The following CBLB variants were observed in gnomAD, a reference collection of about 807,000 sequenced individuals.
CBLB encodes the protein E3 ubiquitin-protein ligase CBL-B.
A neutral mutation model predicts 104.9 loss-of-function variants in CBLB; 31 were observed. The ratio of observed to expected loss-of-function variants is 0.30; its 90% CI spans 0.22 to 0.40. The LOEUF (loss-of-function observed/expected upper bound fraction) is 0.40. CBLB is among the 10% of genes least tolerant of loss of function. CBLB has a pLI of 1.00. For missense variants in CBLB, 1,062 were observed against 1,214.6 expected, an observed-to-expected ratio of 0.87 and a Z score of 1.87; for synonymous variants, 440 against 422.6, an observed-to-expected ratio of 1.04 and a Z score of -0.51.
At chr3:105,791,087 T>G (rs2081581947) in intron 3 of CBLB, among the ~76,000 whole-genome samples, 1 of 152,226 alleles carries the variant, frequency 6.6e-6, no homozygotes. Context: ...TTTACCCAAA[T>G]TTAAAAGATC....
intron 3 of CBLB, among the ~76,000 whole-genome samples, chr3:105,784,600 G>C (rs985235898): frequency 6.6e-6 from 1 of 152,060 alleles, no homozygotes; most frequent in African/African-American, 2.4e-5. Flanking sequence ...AATCTGAATG[G>C]AGTCAATTAA....
Position 105,776,506 on chromosome 3 carries a change from G to A in CBLB, c.456C>T (p.His152=). Residue 152 remains histidine (H), a synonymous_variant, in exon 4 of 19, where the codon CAC becomes CAT. Transcript: ENST00000394030. The stretch of plus-strand genomic sequence containing the variant: ...AGATTGCTTTGATTTCTGCCAGCAT[G>A]TGACTGAAGATAAGGGACAGTTTTG... ...NLTKLSLIFS[H]MLAEIKAIFP... is the part of the protein sequence containing the mutation. 1 of 1,613,766 alleles carries A rather than the reference G, an allele frequency of 6.2e-7. No individual in the cohort carries two copies. The highest frequency in any genetic ancestry group is 8.5e-7 in the Non-Finnish European group (1 of 1,179,820).
chr3:105,762,828 G>A (rs577856087), intron 4 of CBLB, among the ~76,000 whole-genome samples: 27 of 152,244 alleles, frequency 1.8e-4, no homozygotes, highest in East Asian at 7.8e-4. Context: ...GAGGGCCACC[G>A]TCCTCCAGAC....
intron 10 of CBLB, among the ~76,000 whole-genome samples, chr3:105,715,472 T>C (rs2071719873): frequency 6.6e-6 from 1 of 152,216 alleles, no homozygotes; most frequent in Non-Finnish European, 1.5e-5. Context: ...TATGCTACTA[T>C]TTATGAACTC....
intron 3 of CBLB, among the ~76,000 whole-genome samples, chr3:105,847,429 C>CA (rs34105805): frequency 5.5e-5 from 8 of 146,140 alleles, no homozygotes; most frequent in African/African-American, 1.9e-4. Flanking sequence ...CACACACACA[C>CA]CCCATTTTGT....
At chr3:105,714,145 T>C (rs1366772320) in intron 10 of CBLB, among the ~76,000 whole-genome samples, 2 of 152,124 alleles carry the variant, frequency 1.3e-5, no homozygotes, top group African/African-American at 4.8e-5. Context: ...AAAGGCAACA[T>C]CCTCCTAAAA....
chr3:105,852,376 A>C (rs1329400279), intron 3 of CBLB, among the ~76,000 whole-genome samples: 1 of 152,200 alleles, frequency 6.6e-6, no homozygotes, highest in Admixed American at 6.5e-5. Flanking sequence ...TTTGTGTCTT[A>C]GTTTTTAAAA....
intron 3 of CBLB, among the ~76,000 whole-genome samples, chr3:105,814,898 A>T: frequency 7.0e-6 from 1 of 142,658 alleles, no homozygotes; most frequent in Non-Finnish European, 1.5e-5. Context: ...CCAGAGCCAA[A>T]TTTTGTACCC....
intron 10 of CBLB, among the ~76,000 whole-genome samples, chr3:105,706,779 C>T (rs2070212068): frequency 6.6e-6 from 1 of 152,026 alleles, no homozygotes; most frequent in African/African-American, 2.4e-5. Context: ...CTAGCCCAAA[C>T]AATATATTTT....
At position 105,656,385 on chromosome 3, in the gene CBLB, A is replaced by T. The variant is rs537651151; in HGVS notation, c.*2585T>A. On this transcript the variant is annotated 3_prime_UTR_variant, in exon 19 of 19. Transcript: ENST00000394030. ...GGATCACTTCCAGACATCAACGAGC[A>T]GTCGCTTTTACAATAAAAAAAAATT... The T allele has an allele frequency of 4.9e-5, 10 of 202,422 alleles. No individual in the cohort carries two copies. In the South Asian group the frequency reaches 1.9e-3, roughly 38 times the overall value. 12.5% of individuals were successfully genotyped at this position (202,422 alleles called of 1,614,324 possible). A position where few individuals can be genotyped will look rare whatever the true frequency, so the allele number is the denominator to read the frequency against.
intron 3 of CBLB, among the ~76,000 whole-genome samples, chr3:105,780,004 C>A (rs1237233313): frequency 6.6e-6 from 1 of 151,922 alleles, no homozygotes; most frequent in East Asian, 1.9e-4. Context: ...CAGGTATGCA[C>A]CACCATGCCC....
intron 3 of CBLB, among the ~76,000 whole-genome samples, chr3:105,808,457 T>C (rs1396584985): frequency 2.0e-5 from 3 of 152,190 alleles, no homozygotes; most frequent in African/African-American, 7.2e-5. Context: ...AAGATCTGTG[T>C]TTTCATAATA....
intron 8 of CBLB, among the ~76,000 whole-genome samples, chr3:105,734,660 T>C (rs947043515): frequency 6.6e-6 from 1 of 152,176 alleles, no homozygotes; most frequent in African/African-American, 2.4e-5. Context: ...TGGTCCACAC[T>C]TACTATTTCA....
At chr3:105,666,911 T>C (rs2064529432) in intron 18 of CBLB, among the ~76,000 whole-genome samples, 1 of 152,198 alleles carries the variant, frequency 6.6e-6, no homozygotes, top group South Asian at 2.1e-4. Context: ...TGCCATTTCC[T>C]TTGTTGAAAC....
intron 2 of CBLB, among the ~76,000 whole-genome samples, chr3:105,864,399 A>G (rs987375897): frequency 1.3e-5 from 2 of 152,180 alleles, no homozygotes; most frequent in African/African-American, 4.8e-5. Flanking sequence ...TAGCTTCAGA[A>G]CAGACTCCAC....
intron 9 of CBLB, among the ~76,000 whole-genome samples, chr3:105,731,903 T>C (rs576694657): frequency 5.9e-5 from 9 of 152,358 alleles, no homozygotes; most frequent in African/African-American, 2.2e-4. Flanking sequence ...TTGCAACATG[T>C]ATGCATGTGT....
intron 3 of CBLB, among the ~76,000 whole-genome samples, chr3:105,778,139 ATG>A (rs1417079726): frequency 6.6e-6 from 1 of 151,488 alleles, no homozygotes; most frequent in African/African-American, 2.4e-5. Flanking sequence ...ATGTGTGTGT[ATG>A]TGTGTGTGTT....
At chr3:105,849,032 ACT>A (rs2090624282) in intron 3 of CBLB, among the ~76,000 whole-genome samples, 1 of 152,132 alleles carries the variant, frequency 6.6e-6, no homozygotes, top group South Asian at 2.1e-4. Context: ...GAATGAGGCC[ACT>A]CTGTAAATGA....
In CBLB at chr3:105,717,958, C is replaced by A. The variant is rs147926322; in HGVS notation, c.1407+2089G>T. On this transcript the variant is annotated intron_variant, in intron 10 of 18. Coordinates refer to ENST00000394030, the MANE Select transcript of CBLB (RefSeq NM_170662.5). ...ATCACAACACCCAACAGAGAAGCTA[C>A]TATTATTTTTCTGTTTTACGAAGGG... Among the ~76,000 whole-genome samples, 845 of 152,242 alleles carry A rather than the reference C, an allele frequency of 5.6e-3. 9 individuals carry two copies. The highest frequency in any genetic ancestry group is 0.019 in the African/African-American group (794 of 41,540).
Sources: allele counts gnomAD v4.1 joint callset (sites outside exome capture counted in the v4.1 genomes callset), GRCh38; gene constraint gnomAD v4.1.1; transcripts MANE v1.5; gene names NCBI Gene and HGNC (gene_info 2026-07-23, HGNC 2026-07-21).